The following PBX3 variants were observed in gnomAD, a reference collection of about 807,000 sequenced individuals.
PBX3 encodes the protein PBX homeobox 3.
Under a neutral mutation model 48.5 loss-of-function variants are expected in PBX3, and 14 were observed. The ratio of observed to expected loss-of-function variants is 0.29; its 90% confidence interval spans 0.19 to 0.45. The LOEUF is 0.45. Among genes scored for constraint, PBX3 ranks in the 20% least tolerant of loss-of-function variants. PBX3 has a pLI of 1.00. For missense variants in PBX3, 386 were observed against 546.7 expected (o/e 0.71, Z 2.93); for synonymous variants, 210 against 200.3 (o/e 1.05, Z -0.41).
At chr9:125,941,096 G>A (rs2132545478) in intron 5 of PBX3, among the ~76,000 whole-genome samples, 1 of 152,260 alleles carries the variant, frequency 6.6e-6, no homozygotes, top group Admixed American at 6.5e-5. Context: ...AAATGAAGGA[G>A]GGAAGTGGTT....
chr9:125,903,939 A>G (rs545801640), intron 2 of PBX3, among the ~76,000 whole-genome samples: 1 of 151,902 alleles, frequency 6.6e-6, no homozygotes, highest in South Asian at 2.1e-4. Flanking sequence ...GGTGTGCCTC[A>G]GTTTCATGAT....
At chr9:125,962,897 CTT>C in intron 7 of PBX3, 113 bp from the exon 8 acceptor site, 1 of 459,266 alleles carries the variant, frequency 2.2e-6, no homozygotes, top group Non-Finnish European at 3.9e-6. Context: ...ATAAATTTGT[CTT>C]TCATTGAAGA....
rs552085149 is a variant in PBX3, at chr9:125,810,017, A to G, written c.274+61394A>G. On this transcript the variant is annotated intron_variant, in intron 2 of 8. Coordinates refer to ENST00000373489, the MANE Select transcript of PBX3 (RefSeq NM_006195.6). Reference sequence around the variant, plus strand: ...TGGTATATTAGGGAATAGTTTGGGCACAATGTGAATTTCATGTGATTTTGT... The same window carrying G: ...TGGTATATTAGGGAATAGTTTGGGCGCAATGTGAATTTCATGTGATTTTGT... Among the ~76,000 whole-genome samples the G allele has an allele frequency of 5.9e-5, 9 of 152,344 alleles. No homozygotes were observed. The East Asian group carries it at 1.5e-3, about 26-fold the overall frequency.
At chr9:125,790,336 T>A (rs1362592225) in intron 2 of PBX3, among the ~76,000 whole-genome samples, 6 of 151,626 alleles carry the variant, frequency 4.0e-5, no homozygotes, top group Admixed American at 3.9e-4. Context: ...CACTGCAACC[T>A]CTACCTCCCG....
At chr9:125,893,725 A>T (rs1168913730) in intron 2 of PBX3, among the ~76,000 whole-genome samples, 4 of 152,150 alleles carry the variant, frequency 2.6e-5, no homozygotes, top group Admixed American at 1.3e-4. Context: ...TGGCATGTTG[A>T]TGGTCCTTTT....
At chr9:125,953,941 T>A (rs949129728) in intron 5 of PBX3, among the ~76,000 whole-genome samples, 6 of 152,208 alleles carry the variant, frequency 3.9e-5, no homozygotes, top group Non-Finnish European at 7.4e-5. Flanking sequence ...GTATGCACGG[T>A]TTCATGGTTT....
chr9:125,937,295 G>T (rs568820071), intron 5 of PBX3, among the ~76,000 whole-genome samples: 1 of 152,064 alleles, frequency 6.6e-6, no homozygotes, highest in Non-Finnish European at 1.5e-5. Flanking sequence ...CCTTCTGGCT[G>T]TTCTGAACTA....
intron 2 of PBX3, among the ~76,000 whole-genome samples, chr9:125,869,768 AAAAC>A (rs1440740002): frequency 6.6e-6 from 1 of 152,218 alleles, no homozygotes; most frequent in Non-Finnish European, 1.5e-5. Context: ...TTTTAAGAAA[AAAAC>A]AAAAACCCTC....
intron 2 of PBX3, among the ~76,000 whole-genome samples, chr9:125,805,806 G>A (rs892029345): frequency 6.6e-6 from 1 of 152,130 alleles, no homozygotes; most frequent in African/African-American, 2.4e-5. Context: ...TTTTGAGCAT[G>A]TTAAGTTTGG....
chr9:125,781,038 G>A, intron 2 of PBX3, among the ~76,000 whole-genome samples: 1 of 135,542 alleles, frequency 7.4e-6, no homozygotes, highest in Admixed American at 7.5e-5. Context: ...TTTCCAGACT[G>A]GGCAGCCAGG....
chr9:125,760,200 T>C (rs1588121913), intron 2 of PBX3, among the ~76,000 whole-genome samples: 1 of 152,368 alleles, frequency 6.6e-6, no homozygotes, highest in South Asian at 2.1e-4. Flanking sequence ...TTACTTTCTA[T>C]TTTAAAGTTC....
At chr9:125,916,172 C>G (rs568819327) in intron 3 of PBX3, among the ~76,000 whole-genome samples, 3 of 152,334 alleles carry the variant, frequency 2.0e-5, no homozygotes, top group South Asian at 4.1e-4. Flanking sequence ...TCCGCACATT[C>G]ACGTGCCCTT....
intron 2 of PBX3, among the ~76,000 whole-genome samples, chr9:125,777,762 T>C (rs1416026773): frequency 6.6e-6 from 1 of 152,198 alleles, no homozygotes; most frequent in African/African-American, 2.4e-5. Context: ...CTTTCTTTGT[T>C]ATAGATCTGT....
chr9:125,955,244 C>G (rs1386087366), intron 5 of PBX3, among the ~76,000 whole-genome samples: 2 of 151,996 alleles, frequency 1.3e-5, no homozygotes, highest in Non-Finnish European at 2.9e-5. Flanking sequence ...CTGCGAGCCC[C>G]CCTTCAGGCT....
chr9:125,960,943 A>C (rs62570473), intron 6 of PBX3, 94 bp downstream of exon 6: 822,527 of 1,241,698 alleles, frequency 0.66, 279,646 homozygotes, highest in South Asian at 0.73. Context: ...CATACTGAGG[A>C]CAGAGTGGAC....
At position 125,747,377 on chromosome 9, in the gene PBX3, T is replaced by A. The variant is rs1170293756; in HGVS notation, c.-77T>A. On this transcript the variant is annotated 5_prime_UTR_variant, in exon 1 of 9. Transcript: ENST00000373489. ...CTCCCCCTCCCCCTCTTTCTTCTCC[T>A]CCCTCGTCGCCGCCGCCGCCGCCGC... 7 of 345,874 alleles carry A rather than the reference T, an allele frequency of 2.0e-5. No homozygotes were observed. The highest frequency in any genetic ancestry group is 1.6e-4 in the East Asian group (1 of 6,262). The allele number at this position is 345,874 out of a possible 1,614,324, so 21.4% of individuals were successfully genotyped here.
chr9:125,754,074 G>T (rs1043315554), intron 2 of PBX3, among the ~76,000 whole-genome samples: 2 of 151,996 alleles, frequency 1.3e-5, no homozygotes, highest in Admixed American at 1.3e-4. Context: ...TCTACCCTGA[G>T]GTATCTATTT....
intron 2 of PBX3, among the ~76,000 whole-genome samples, chr9:125,866,789 G>T (rs1166867093): frequency 6.6e-6 from 1 of 152,140 alleles, no homozygotes; most frequent in Non-Finnish European, 1.5e-5. Context: ...TGTCAACAAT[G>T]ATTTTTCTTG....
chr9:125,780,717 C>G (rs192520718), intron 2 of PBX3, among the ~76,000 whole-genome samples: 2 of 56,030 alleles, frequency 3.6e-5, no homozygotes, highest in Non-Finnish European at 6.5e-5. Flanking sequence ...CCCTCCCGGA[C>G]GGGGGGCTGA....
Sources: allele counts gnomAD v4.1 joint callset (sites outside exome capture counted in the v4.1 genomes callset), GRCh38; gene constraint gnomAD v4.1.1; transcripts MANE v1.5; gene names NCBI Gene and HGNC (gene_info 2026-07-23, HGNC 2026-07-21).